The following ARL14EP variants were observed in gnomAD, a reference collection of about 807,000 sequenced individuals.
The protein encoded by ARL14EP is ARL14 effector protein.
A neutral mutation model predicts 23.1 loss-of-function variants in ARL14EP; 12 were observed. The observed-to-expected ratio is 0.52, with a 90% CI of 0.33 to 0.84. The LOEUF is 0.84. Among genes scored for constraint, ARL14EP ranks in the 40% least tolerant of loss-of-function variants. ARL14EP has a pLI of 0.02. For missense variants in ARL14EP, 253 were observed against 307.3 expected, an observed-to-expected ratio of 0.82 and a Z score of 1.32; for synonymous variants, 97 against 102.0, an observed-to-expected ratio of 0.95 and a Z score of 0.29.
At chr11:30,332,574 G>A (rs1947294437) in intron 2 of ARL14EP, among the ~76,000 whole-genome samples, 1 of 152,098 alleles carries the variant, frequency 6.6e-6, no homozygotes, top group Non-Finnish European at 1.5e-5. Flanking sequence ...CTTCTCTCCT[G>A]TGTTGGCAGC....
intron 3 of ARL14EP, 109 bp from the exon 4 acceptor site, chr11:30,336,458 A>G (rs1282292601): frequency 1.0e-6 from 1 of 1,004,570 alleles, no homozygotes; most frequent in Non-Finnish European, 1.5e-6. Context: ...TGATTTTGGC[A>G]TGACCTCATC....
At chr11:30,329,659 G>A (rs1187425876) in intron 1 of ARL14EP, 1 of 152,060 alleles carries the variant, frequency 6.6e-6, no homozygotes, top group Non-Finnish European at 1.5e-5. Flanking sequence ...TATTTAATTT[G>A]CATTTTCCTA....
chr11:30,336,885 A>G lies in ARL14EP; in HGVS notation c.*90A>G. The G allele has an allele frequency of 8.1e-7, 1 of 1,238,518 alleles. No homozygotes were observed. The highest frequency in any genetic ancestry group is 1.3e-5 in the South Asian group (1 of 78,130). 76.7% of individuals were successfully genotyped at this position (1,238,518 alleles called of 1,614,324 possible). A position where few individuals can be genotyped will look rare whatever the true frequency, so the allele number is the denominator to read the frequency against. The stretch of plus-strand genomic sequence containing the variant: ...ACATTTTAAGCTTGATTATCATATG[A>G]CAAAGATTTTAAAACCATCTCAGTG... On this transcript the variant is annotated 3_prime_UTR_variant, in exon 4 of 4. Transcript: ENST00000282032.
At chr11:30,326,380 A>G (rs10767838) in intron 1 of ARL14EP, among the ~76,000 whole-genome samples, 52,925 of 151,988 alleles carry the variant, frequency 0.35, 9,887 homozygotes, top group East Asian at 0.6. Flanking sequence ...ATTTCCAACT[A>G]TATTAAGGAA....
At chr11:30,335,457 G>T (rs1194805437) in intron 3 of ARL14EP, among the ~76,000 whole-genome samples, 22 of 152,120 alleles carry the variant, frequency 1.4e-4, no homozygotes, top group Admixed American at 1.4e-3. Context: ...ATGCTACAGA[G>T]AAATCTTTTG....
chr11:30,335,595 CA>C (rs962401601), intron 3 of ARL14EP, among the ~76,000 whole-genome samples: 3 of 152,014 alleles, frequency 2.0e-5, no homozygotes, highest in African/African-American at 7.2e-5. Flanking sequence ...CCTCCACCAG[CA>C]AAAAAACTAC....
At chr11:30,326,529 G>A (rs188200990) in intron 1 of ARL14EP, among the ~76,000 whole-genome samples, 119 of 152,292 alleles carry the variant, frequency 7.8e-4, no homozygotes, top group African/African-American at 2.7e-3. Flanking sequence ...AGACCAAAAT[G>A]AGCAAAAACA....
chr11:30,336,805 C>G lies in ARL14EP; in HGVS notation c.*10C>G. The stretch of plus-strand genomic sequence containing the variant: ...TAAACATGCTGGATAATCTGCGGTA[C>G]CAAACTATGGAGCCTTTAAAGGTCT... On this transcript the variant is annotated 3_prime_UTR_variant, in exon 4 of 4. Coordinates refer to ENST00000282032, the MANE Select transcript of ARL14EP (RefSeq NM_152316.3). The G allele has an allele frequency of 6.2e-7, 1 of 1,602,738 alleles. No individual in the cohort carries two copies. The highest frequency in any genetic ancestry group is 1.1e-5 in the South Asian group (1 of 90,870).
intron 1 of ARL14EP, among the ~76,000 whole-genome samples, chr11:30,324,325 C>T (rs147819266): frequency 7.9e-5 from 12 of 152,016 alleles, no homozygotes; most frequent in African/African-American, 2.7e-4. Flanking sequence ...GACCTAAAAA[C>T]GAAGTAAATT....
At chr11:30,331,690 A>G (rs1947285191) in intron 2 of ARL14EP, 1 of 1,169,916 alleles carries the variant, frequency 8.5e-7, no homozygotes, top group Non-Finnish European at 1.1e-6. Flanking sequence ...CTTTTCTGAT[A>G]CCAAAGTAAC....
intron 1 of ARL14EP, among the ~76,000 whole-genome samples, chr11:30,327,627 A>G (rs893522285): frequency 1.3e-5 from 2 of 152,094 alleles, no homozygotes; most frequent in African/African-American, 4.8e-5. Context: ...TATTTTCTGT[A>G]CAGTGATGAG....
At chr11:30,323,600 C>T (rs1053218575) in intron 1 of ARL14EP, among the ~76,000 whole-genome samples, 1 of 152,204 alleles carries the variant, frequency 6.6e-6, no homozygotes, top group Admixed American at 6.5e-5. Context: ...TCAACCCTGG[C>T]CGTTTGAGGC....
At chr11:30,334,747 A>G (rs1273918567) in intron 3 of ARL14EP, among the ~76,000 whole-genome samples, 1 of 152,222 alleles carries the variant, frequency 6.6e-6, no homozygotes, top group Non-Finnish European at 1.5e-5. Context: ...ATGGCAGCAT[A>G]TCTGTTTACA....
chr11:30,328,942 C>G (rs1251885202), intron 1 of ARL14EP: 1 of 151,854 alleles, frequency 6.6e-6, no homozygotes, highest in Non-Finnish European at 1.5e-5. Flanking sequence ...TGCATATTTT[C>G]TTGAGAATCC....
intron 3 of ARL14EP, among the ~76,000 whole-genome samples, chr11:30,333,335 C>G (rs555767406): frequency 4.6e-5 from 7 of 152,104 alleles, no homozygotes; most frequent in African/African-American, 1.7e-4. Flanking sequence ...TTATTCTTTA[C>G]AAGGTGCTAT....
chr11:30,331,781 T>G lies in ARL14EP; in HGVS notation c.426+407T>G, dbSNP rs895849928. The G allele has an allele frequency of 4.9e-6, 5 of 1,014,704 alleles. No individual in the cohort carries two copies. The Admixed American group carries it at 2.7e-4, about 54-fold the overall frequency. 62.9% of individuals were successfully genotyped at this position (1,014,704 alleles called of 1,614,324 possible). On this transcript the variant is annotated intron_variant, in intron 2 of 3. Transcript: ENST00000282032. ...TATGAAGGACTTGGAAATCACTGCT[T>G]TAAAAGGAACATTAGAGAGGTGACT...
chr11:30,334,183 C>CA (rs1478942211), intron 3 of ARL14EP, among the ~76,000 whole-genome samples: 1 of 141,868 alleles, frequency 7.0e-6, no homozygotes, highest in African/African-American at 2.5e-5. Context: ...CACTACCCAA[C>CA]AGATTTTCAA....
At chr11:30,334,622 C>T (rs781595497) in intron 3 of ARL14EP, among the ~76,000 whole-genome samples, 2 of 152,230 alleles carry the variant, frequency 1.3e-5, no homozygotes, top group African/African-American at 2.4e-5. Flanking sequence ...TTGGTAGGGA[C>T]GAATGCAGCT....
At chr11:30,335,123 G>T (rs1802435874) in intron 3 of ARL14EP, among the ~76,000 whole-genome samples, 1 of 152,180 alleles carries the variant, frequency 6.6e-6, no homozygotes. Context: ...GACTTTGAGG[G>T]GTTCAGGACT....
Sources: gnomAD v4.1 joint callset for allele counts (sites outside exome capture counted in the v4.1 genomes callset) on GRCh38, gnomAD v4.1.1 for gene constraint, MANE v1.5 for transcripts, NCBI Gene and HGNC (gene_info 2026-07-23, HGNC 2026-07-21) for gene names.